KCNJ6: variants seen among roughly 807,000 people sequenced by gnomAD.
The protein encoded by KCNJ6 is G protein-activated inward rectifier potassium channel 2.
In KCNJ6, 9 loss-of-function variants were observed where a neutral mutation model predicts 34.2. The observed-to-expected ratio is 0.26, with a 90% CI of 0.16 to 0.46. KCNJ6 has a LOEUF of 0.46. Among genes scored for constraint, KCNJ6 ranks in the 20% least tolerant of loss-of-function variants. The pLI, the probability that KCNJ6 is intolerant of heterozygous loss-of-function variation, is 1.00. For synonymous variants in KCNJ6, 196 were observed against 207.1 expected, an observed-to-expected ratio of 0.95 and a Z score of 0.46; for missense variants, 236 against 531.3, an observed-to-expected ratio of 0.44 and a Z score of 5.46.
chr21:37,874,966 C>CA (rs1289523380), intron 1 of KCNJ6, among the ~76,000 whole-genome samples: 2 of 152,200 alleles, frequency 1.3e-5, no homozygotes, highest in African/African-American at 4.8e-5. Flanking sequence ...GTAGTCCTTT[C>CA]AAAACATAAG....
chr21:37,739,931 G>A (rs983457898), intron 2 of KCNJ6, among the ~76,000 whole-genome samples: 1 of 150,428 alleles, frequency 6.6e-6, no homozygotes, highest in Non-Finnish European at 1.5e-5. Context: ...AAAAGATCAG[G>A]TGTTGTTATC....
intron 2 of KCNJ6, among the ~76,000 whole-genome samples, chr21:37,734,375 G>T (rs1188725421): frequency 6.6e-6 from 1 of 152,134 alleles, no homozygotes; most frequent in Non-Finnish European, 1.5e-5. Context: ...ATGTTGTACA[G>T]AGGAGAGCCC....
intron 3 of KCNJ6, among the ~76,000 whole-genome samples, chr21:37,681,236 T>C (rs1449257339): frequency 6.6e-6 from 1 of 152,212 alleles, no homozygotes; most frequent in Non-Finnish European, 1.5e-5. Context: ...CTAATTCTCT[T>C]CAGGGGCTGA....
intron 2 of KCNJ6, among the ~76,000 whole-genome samples, chr21:37,767,201 C>T (rs946253102): frequency 7.9e-5 from 12 of 152,118 alleles, no homozygotes; most frequent in African/African-American, 1.2e-4. Context: ...CAAGGATTGG[C>T]GAGCACACAT....
At chr21:37,685,292 T>C (rs1054047966) in intron 3 of KCNJ6, among the ~76,000 whole-genome samples, 3 of 151,918 alleles carry the variant, frequency 2.0e-5, no homozygotes, top group Admixed American at 2.0e-4. Flanking sequence ...GGAGGTAGGA[T>C]TGGAAATCAA....
At chr21:37,858,998 A>T (rs2055579161) in intron 1 of KCNJ6, among the ~76,000 whole-genome samples, 1 of 152,230 alleles carries the variant, frequency 6.6e-6, no homozygotes, top group Admixed American at 6.5e-5. Flanking sequence ...ATGTAAGTAC[A>T]GTATATATTA....
intron 3 of KCNJ6, among the ~76,000 whole-genome samples, chr21:37,705,421 T>A (rs1277260779): frequency 1.3e-5 from 2 of 152,198 alleles, no homozygotes; most frequent in Admixed American, 6.5e-5. Context: ...TTTGAAGATT[T>A]AAAATAATCC....
At chr21:37,906,285 T>G (rs1006566108) in intron 1 of KCNJ6, among the ~76,000 whole-genome samples, 1 of 152,164 alleles carries the variant, frequency 6.6e-6, no homozygotes, top group African/African-American at 2.4e-5. Flanking sequence ...TGAGTCCAGG[T>G]TAAATCTGCC....
chr21:37,733,591 A>C (rs929512917), intron 2 of KCNJ6, among the ~76,000 whole-genome samples: 2 of 152,294 alleles, frequency 1.3e-5, no homozygotes, highest in Middle Eastern at 6.8e-3. Context: ...TACCCTGAAA[A>C]ATATTCACTT....
At chr21:37,890,186 A>G (rs2055755442) in intron 1 of KCNJ6, among the ~76,000 whole-genome samples, 1 of 152,236 alleles carries the variant, frequency 6.6e-6, no homozygotes, top group South Asian at 2.1e-4. Context: ...TTATAGCAGA[A>G]GAGGAAGCAA....
intron 3 of KCNJ6, among the ~76,000 whole-genome samples, chr21:37,674,716 C>T (rs1420980710): frequency 6.6e-6 from 1 of 151,714 alleles, no homozygotes; most frequent in Non-Finnish European, 1.5e-5. Flanking sequence ...TACTTCACCC[C>T]CTCCAGAGCC....
chr21:37,735,955 G>T (rs2054910804), intron 2 of KCNJ6, among the ~76,000 whole-genome samples: 1 of 152,200 alleles, frequency 6.6e-6, no homozygotes, highest in Non-Finnish European at 1.5e-5. Flanking sequence ...AGCACATGGG[G>T]TCAGCACTCT....
At chr21:37,812,880 A>G (rs1285356842) in intron 2 of KCNJ6, among the ~76,000 whole-genome samples, 2 of 152,146 alleles carry the variant, frequency 1.3e-5, no homozygotes, top group African/African-American at 4.8e-5. Flanking sequence ...ACTTTCACCA[A>G]TTTTATTCTA....
In KCNJ6 at chr21:37,675,603, A is replaced by T. The variant is rs1038472750; in HGVS notation, c.946+38608T>A. On this transcript the variant is annotated intron_variant, in intron 3 of 3. Transcript: ENST00000609713. The surrounding 1 kb of genome is among the most constrained non-coding windows in gnomAD (Gnocchi z 4.2). ...GCCGCATCGCCCTGCCCTGAGCGGAATTCTCCGGCCCCAGGAGAGGCCGTG... is the reference window on the plus strand; with the variant it reads ...GCCGCATCGCCCTGCCCTGAGCGGATTTCTCCGGCCCCAGGAGAGGCCGTG... Among the ~76,000 whole-genome samples the T allele has an allele frequency of 4.7e-4, 71 of 152,332 alleles. 1 individual carries two copies. The highest frequency in any genetic ancestry group is 1.7e-3 in the African/African-American group (70 of 41,592).
intron 2 of KCNJ6, among the ~76,000 whole-genome samples, chr21:37,775,670 G>A (rs2055138643): frequency 6.6e-6 from 1 of 152,046 alleles, no homozygotes; most frequent in Non-Finnish European, 1.5e-5. Context: ...TAGATATGTG[G>A]CATTATTTCT....
At chr21:37,665,474 A>G (rs958452298) in intron 3 of KCNJ6, among the ~76,000 whole-genome samples, 1 of 152,212 alleles carries the variant, frequency 6.6e-6, no homozygotes, top group East Asian at 1.9e-4. Flanking sequence ...AGTAGCTCTG[A>G]ATTGTAAAGA....
At chr21:37,702,966 TGTG>T (rs2054699224) in intron 3 of KCNJ6, among the ~76,000 whole-genome samples, 1 of 151,624 alleles carries the variant, frequency 6.6e-6, no homozygotes, top group South Asian at 2.1e-4. Context: ...GTTTTGGTGG[TGTG>T]GTGGGAAGGG....
Position 37,625,132 on chromosome 21 carries a change from A to G in KCNJ6, c.*27T>C. The G allele has an allele frequency of 6.7e-7, 1 of 1,487,274 alleles. No individual in the cohort carries two copies. The highest frequency in any genetic ancestry group is 9.3e-7 in the Non-Finnish European group (1 of 1,070,404). 92.1% of individuals were successfully genotyped at this position (1,487,274 alleles called of 1,614,324 possible). ...CAAGGAAAGATTGTGTTGGGGGGAG[A>G]AGAGAAGGGTTTGCCCAGCTAGGGC... On this transcript the variant is annotated 3_prime_UTR_variant, in exon 4 of 4. Coordinates refer to ENST00000609713, the MANE Select transcript of KCNJ6 (RefSeq NM_002240.5).
intron 2 of KCNJ6, among the ~76,000 whole-genome samples, chr21:37,780,542 G>A (rs985453615): frequency 6.6e-6 from 1 of 151,768 alleles, no homozygotes; most frequent in Non-Finnish European, 1.5e-5. Flanking sequence ...ACGAATGCAA[G>A]ATGTTAGTAA....
Sources: allele counts gnomAD v4.1 joint callset (sites outside exome capture counted in the v4.1 genomes callset), GRCh38; gene constraint gnomAD v4.1.1; non-coding constraint Gnocchi (gnomAD v3.1); transcripts MANE v1.5; gene names NCBI Gene and HGNC (gene_info 2026-07-23, HGNC 2026-07-21).